The following TNKS variants were observed in gnomAD, a reference collection of about 807,000 sequenced individuals.
TNKS encodes the protein poly [ADP-ribose] polymerase tankyrase-1.
In TNKS, 72 loss-of-function variants were observed where a neutral mutation model predicts 135.8. The ratio of observed to expected loss-of-function variants is 0.53; its 90% CI spans 0.44 to 0.64. The LOEUF (loss-of-function observed/expected upper bound fraction) is 0.64, where lower values mean the gene tolerates loss of function less well. Among genes scored for constraint, TNKS ranks in the 30% least tolerant of loss-of-function variants. The probability of loss-of-function intolerance (pLI) is 0.00; values close to 1 mark genes in which losing one functional copy is unlikely to be tolerated. For missense variants in TNKS, 1,769 were observed against 1,674.0 expected (o/e 1.06, Z -0.99); for synonymous variants, 849 against 649.3 (o/e 1.31, Z -4.68).
chr8:9,727,220 T>C (rs1805205986), intron 13 of TNKS, among the ~76,000 whole-genome samples: 1 of 152,194 alleles, frequency 6.6e-6, no homozygotes, highest in Admixed American at 6.5e-5. Context: ...AGAAGATAGA[T>C]TTTTTCCCTG....
chr8:9,584,231 CTAAT>C (rs532895951), intron 2 of TNKS, among the ~76,000 whole-genome samples: 11 of 147,428 alleles, frequency 7.5e-5, no homozygotes, highest in South Asian at 2.2e-4. Flanking sequence ...TTCATTTTGA[CTAAT>C]TAGTATCCAA....
At chr8:9,695,373 T>G (rs553737609) in intron 5 of TNKS, among the ~76,000 whole-genome samples, 5 of 152,226 alleles carry the variant, frequency 3.3e-5, no homozygotes, top group Non-Finnish European at 7.3e-5. Flanking sequence ...AGAAGTTACT[T>G]TAATTCTCAG....
chr8:9,638,552 TTATATA>T (rs1800604619), intron 3 of TNKS, among the ~76,000 whole-genome samples: 1 of 152,220 alleles, frequency 6.6e-6, no homozygotes, highest in African/African-American at 2.4e-5. Context: ...GAATGACAGT[TTATATA>T]CTTTGTTTCT....
At chr8:9,710,738 T>C (rs1804285273) in intron 11 of TNKS, among the ~76,000 whole-genome samples, 1 of 151,994 alleles carries the variant, frequency 6.6e-6, no homozygotes, top group Non-Finnish European at 1.5e-5. Flanking sequence ...CTACTAAAAA[T>C]ACAAAAAATT....
At chr8:9,596,466 G>T (rs1403360695) in intron 2 of TNKS, among the ~76,000 whole-genome samples, 1 of 152,072 alleles carries the variant, frequency 6.6e-6, no homozygotes, top group South Asian at 2.1e-4. Context: ...TTTAAAAAAC[G>T]TAGTGTCTTG....
intron 17 of TNKS, chr8:9,741,819 G>T: frequency 2.3e-6 from 1 of 442,094 alleles, no homozygotes; most frequent in Non-Finnish European, 5.0e-6. Flanking sequence ...GTCACCTGAA[G>T]AGAGGTGTAA....
At chr8:9,589,881 G>A (rs1263499716) in intron 2 of TNKS, among the ~76,000 whole-genome samples, 1 of 152,186 alleles carries the variant, frequency 6.6e-6, no homozygotes, top group Non-Finnish European at 1.5e-5. Flanking sequence ...TGTTTCTATA[G>A]CTGTCCACAA....
At chr8:9,608,293 T>A (rs1263811785) in intron 2 of TNKS, among the ~76,000 whole-genome samples, 1 of 152,174 alleles carries the variant, frequency 6.6e-6, no homozygotes, top group Non-Finnish European at 1.5e-5. Flanking sequence ...AATGTTAATA[T>A]AATGAAACAA....
intron 5 of TNKS, among the ~76,000 whole-genome samples, chr8:9,694,707 A>T (rs2128803142): frequency 6.6e-6 from 1 of 151,152 alleles, no homozygotes; most frequent in South Asian, 2.1e-4. Context: ...GGCTGCAGTG[A>T]GCCGAGATCA....
chr8:9,584,799 A>G (rs996266675), intron 2 of TNKS, among the ~76,000 whole-genome samples: 2 of 152,216 alleles, frequency 1.3e-5, no homozygotes, highest in Admixed American at 6.5e-5. Flanking sequence ...GAGACAGAGT[A>G]TGTTCCCTTT....
chr8:9,593,214 T>G (rs1208719469), intron 2 of TNKS, among the ~76,000 whole-genome samples: 1 of 152,192 alleles, frequency 6.6e-6, no homozygotes, highest in African/African-American at 2.4e-5. Flanking sequence ...CCTCGAGGCC[T>G]CTCAAAGGAC....
intron 1 of TNKS, chr8:9,557,564 T>C (rs1283501114): frequency 6.6e-6 from 1 of 152,164 alleles, no homozygotes; most frequent in Non-Finnish European, 1.5e-5. Flanking sequence ...TTTTATACAT[T>C]AGAAACATTA....
chr8:9,707,014 C>G lies in TNKS; in HGVS notation c.1456+17C>G. The G allele has an allele frequency of 3.3e-6, 5 of 1,535,564 alleles. No individual in the cohort carries two copies. The highest frequency in any genetic ancestry group is 4.4e-6 in the Non-Finnish European group (5 of 1,140,512). The stretch of plus-strand genomic sequence containing the variant: ...GATTGACTTGTACGTATTTATATCC[C>G]GAAATCATTATCGCATAAATTGGAA... On this transcript the variant is annotated intron_variant, in intron 8 of 26. Coordinates refer to ENST00000310430, the MANE Select transcript of TNKS (RefSeq NM_003747.3).
At chr8:9,560,330 C>A (rs1276822224) in intron 1 of TNKS, among the ~76,000 whole-genome samples, 1 of 151,670 alleles carries the variant, frequency 6.6e-6, no homozygotes, top group Non-Finnish European at 1.5e-5. Flanking sequence ...ACATATACGA[C>A]TTGGATTATG....
At chr8:9,615,426 G>T in intron 2 of TNKS, 156 bp from the exon 3 acceptor site, 1 of 520,676 alleles carries the variant, frequency 1.9e-6, no homozygotes, top group Non-Finnish European at 3.3e-6. Flanking sequence ...AGGCTCCTTT[G>T]CTGCAGTGCT....
rs548041714 is a variant in TNKS, at chr8:9,736,297, C to T, written c.2643+811C>T. On this transcript the variant is annotated intron_variant, in intron 17 of 26. Transcript: ENST00000310430. ...ATTCGGGAGGCTGAGGTGGGAAGAT[C>T]GCTTGAGCCCAGGAGTTCAAGGCCA... 3.4e-4 allele frequency among the ~76,000 whole-genome samples: 49 copies of T among 144,336 alleles called. 1 individual carries two copies. In the South Asian group the frequency reaches 5.8e-3, roughly 17 times the overall value. The allele number at this position is 144,336 out of a possible 152,430, so 94.7% of individuals were successfully genotyped here.
chr8:9,631,454 TATAAA>T (rs1239640648), intron 3 of TNKS, among the ~76,000 whole-genome samples: 1 of 152,252 alleles, frequency 6.6e-6, no homozygotes, highest in Admixed American at 6.5e-5. Context: ...GTAATTATTC[TATAAA>T]ATAAGTTATC....
At chr8:9,571,543 C>G (rs11984704) in intron 1 of TNKS, among the ~76,000 whole-genome samples, 1 of 152,002 alleles carries the variant, frequency 6.6e-6, no homozygotes, top group Non-Finnish European at 1.5e-5. Context: ...CTGCAAGCTC[C>G]GCCTCCCGGG....
At chr8:9,643,500 G>T (rs1031814229) in intron 3 of TNKS, among the ~76,000 whole-genome samples, 1 of 151,858 alleles carries the variant, frequency 6.6e-6, no homozygotes, top group South Asian at 2.1e-4. Context: ...CCTCTTAAAG[G>T]TCCCGCCTCT....
Sources: gnomAD v4.1 joint callset for allele counts (sites outside exome capture counted in the v4.1 genomes callset) on GRCh38, gnomAD v4.1.1 for gene constraint, MANE v1.5 for transcripts, NCBI Gene and HGNC (gene_info 2026-07-23, HGNC 2026-07-21) for gene names.